GNAI1: variants seen among roughly 807,000 people sequenced by gnomAD.
GNAI1 encodes the protein guanine nucleotide-binding protein G(i) subunit alpha-1.
A neutral mutation model predicts 38.9 loss-of-function variants in GNAI1; 11 were observed. The ratio of observed to expected loss-of-function variants is 0.28; its 90% confidence interval spans 0.18 to 0.47. GNAI1 has a LOEUF of 0.47. Ranked by LOEUF, GNAI1 falls within the 20% of genes least tolerant of loss-of-function variation. GNAI1 has a pLI of 0.99. For missense variants in GNAI1, 317 were observed against 436.9 expected, an observed-to-expected ratio of 0.73 and a Z score of 2.45; for synonymous variants, 166 against 145.1, an observed-to-expected ratio of 1.14 and a Z score of -1.04.
At chr7:80,207,835 A>G (rs944030256) in intron 5 of GNAI1, among the ~76,000 whole-genome samples, 1 of 152,152 alleles carries the variant, frequency 6.6e-6, no homozygotes, top group Non-Finnish European at 1.5e-5. Context: ...AATTCATATT[A>G]TCCCTGTGAT....
intron 1 of GNAI1, among the ~76,000 whole-genome samples, chr7:80,146,162 A>G (rs775086508): frequency 1.5e-4 from 23 of 152,220 alleles, no homozygotes; most frequent in Middle Eastern, 6.8e-3. Flanking sequence ...CTTCTCTGAC[A>G]TACAATTCAG....
At chr7:80,183,067 C>T (rs1303562712) in intron 1 of GNAI1, among the ~76,000 whole-genome samples, 1 of 152,146 alleles carries the variant, frequency 6.6e-6, no homozygotes, top group Non-Finnish European at 1.5e-5. Context: ...AAAGAGATGG[C>T]TCCCAGGTCC....
At chr7:80,163,505 A>G (rs1787958887) in intron 1 of GNAI1, among the ~76,000 whole-genome samples, 2 of 152,182 alleles carry the variant, frequency 1.3e-5, no homozygotes, top group East Asian at 3.9e-4. Flanking sequence ...CACTTACATA[A>G]CTACTTAGCT....
intron 1 of GNAI1, among the ~76,000 whole-genome samples, chr7:80,177,333 G>A (rs756757896): frequency 6.6e-6 from 1 of 152,018 alleles, no homozygotes; most frequent in African/African-American, 2.4e-5. Context: ...CCCGGCCAGC[G>A]TATCTTTTTA....
At chr7:80,141,282 A>G (rs13236880) in intron 1 of GNAI1, among the ~76,000 whole-genome samples, 7,100 of 152,254 alleles carry the variant, frequency 0.047, 175 homozygotes, top group Middle Eastern at 0.092. Flanking sequence ...TCTCAACCCA[A>G]TACAGCCACA....
intron 1 of GNAI1, among the ~76,000 whole-genome samples, chr7:80,138,126 C>T (rs1162310924): frequency 6.6e-6 from 1 of 152,118 alleles, no homozygotes; most frequent in Non-Finnish European, 1.5e-5. Context: ...TTCTGTTTTT[C>T]TCATCACATG....
At chr7:80,211,226 A>C (rs190761866) in intron 6 of GNAI1, 128 bp downstream of exon 6, 103 of 737,228 alleles carry the variant, frequency 1.4e-4, no homozygotes, top group Admixed American at 2.3e-4. Context: ...CTATTTGATA[A>C]AAGAGAGATA....
Position 80,212,848 on chromosome 7 carries a change from A to C in GNAI1, c.853A>C (p.Ile285Leu). Residue 285 changes from isoleucine to leucine, a missense_variant, in exon 7 of 8, where the codon ATA (isoleucine) becomes CTA (leucine). Ile to Leu is a conservative substitution (Grantham distance 5). Around this residue, in one of 5 missense-constraint regions of GNAI1, gnomAD observed 158 missense variants for 234.7 expected, o/e 0.67. Coordinates refer to ENST00000649796, the MANE Select transcript of GNAI1 (RefSeq NM_002069.6). Reference sequence around the variant, plus strand: ...AAAAATCAAAAAGAGCCCTCTCACTATATGCTATCCAGAATATGCAGGTAT... The same window carrying C: ...AAAAATCAAAAAGAGCCCTCTCACTCTATGCTATCCAGAATATGCAGGTAT... Reference protein sequence around the residue: ...EEKIKKSPLTICYPEYAGSNT... With the variant: ...EEKIKKSPLTLCYPEYAGSNT... The C allele has an allele frequency of 6.3e-7, 1 of 1,580,208 alleles. No individual in the cohort carries two copies. Among genetic ancestry groups the C allele is most frequent in the Non-Finnish European group, 8.6e-7 (1 of 1,166,486 alleles).
chr7:80,136,691 G>T (rs1028645956), intron 1 of GNAI1, among the ~76,000 whole-genome samples: 3 of 152,186 alleles, frequency 2.0e-5, no homozygotes, highest in African/African-American at 7.2e-5. Context: ...ATGTGAGATA[G>T]ATATGAAATA....
chr7:80,137,310 TTCTTTTC>T (rs1562819571), intron 1 of GNAI1, among the ~76,000 whole-genome samples: 2 of 108,098 alleles, frequency 1.9e-5, no homozygotes, highest in African/African-American at 3.3e-5. Flanking sequence ...TTTTTTTCTT[TTCTTTTC>T]TTTTTTTTTT....
At chr7:80,154,621 A>G (rs1787788110) in intron 1 of GNAI1, among the ~76,000 whole-genome samples, 1 of 152,174 alleles carries the variant, frequency 6.6e-6, no homozygotes, top group Admixed American at 6.6e-5. Context: ...TACTACAATA[A>G]CTTTAGGTTC....
intron 1 of GNAI1, among the ~76,000 whole-genome samples, chr7:80,157,213 T>TGTA (rs1398783246): frequency 2.6e-5 from 4 of 152,220 alleles, no homozygotes; most frequent in Non-Finnish European, 4.4e-5. Flanking sequence ...TCATGTAGTA[T>TGTA]GTAGCCTTTT....
At chr7:80,174,050 G>A (rs923281417) in intron 1 of GNAI1, among the ~76,000 whole-genome samples, 8 of 152,134 alleles carry the variant, frequency 5.3e-5, no homozygotes, top group African/African-American at 1.9e-4. Flanking sequence ...ACTTTGGAGA[G>A]TTAAAAGTAA....
intron 5 of GNAI1, among the ~76,000 whole-genome samples, chr7:80,208,556 A>G (rs192404806): frequency 6.6e-6 from 1 of 152,156 alleles, no homozygotes; most frequent in Non-Finnish European, 1.5e-5. Context: ...CAAGCTAGTA[A>G]CATCTGACTC....
intron 3 of GNAI1, among the ~76,000 whole-genome samples, chr7:80,197,926 C>T (rs939855656): frequency 6.6e-6 from 1 of 152,082 alleles, no homozygotes; most frequent in Non-Finnish European, 1.5e-5. Flanking sequence ...TGTGCCATCA[C>T]TTTATAAGCA....
chr7:80,157,831 C>A (rs1250748508), intron 1 of GNAI1, among the ~76,000 whole-genome samples: 1 of 152,108 alleles, frequency 6.6e-6, no homozygotes, highest in African/African-American at 2.4e-5. Context: ...CTCAGGCTCC[C>A]AGGTAGCTGG....
chr7:80,138,549 T>C (rs1398500983), intron 1 of GNAI1, among the ~76,000 whole-genome samples: 1 of 152,232 alleles, frequency 6.6e-6, no homozygotes, highest in East Asian at 1.9e-4. Context: ...TTTATTGTTA[T>C]ATCTTTGAGA....
At chr7:80,191,633 C>G (rs989381520) in intron 3 of GNAI1, among the ~76,000 whole-genome samples, 1 of 152,122 alleles carries the variant, frequency 6.6e-6, no homozygotes, top group Non-Finnish European at 1.5e-5. Context: ...CTCAAGTAAT[C>G]CGCCCACCTC....
chr7:80,203,952 C>A, intron 5 of GNAI1, 120 bp downstream of exon 5: 1 of 576,442 alleles, frequency 1.7e-6, no homozygotes, highest in Non-Finnish European at 2.8e-6. Flanking sequence ...TGGAAAAAAA[C>A]TTTCTTCAGA....
Sources: gnomAD v4.1 joint callset for allele counts (sites outside exome capture counted in the v4.1 genomes callset) on GRCh38, gnomAD v4.1.1 for gene constraint, gnomAD v4.1.1 regional missense constraint, MANE v1.5 for transcripts, NCBI Gene and HGNC (gene_info 2026-07-23, HGNC 2026-07-21) for gene names.